HTT: variants seen among roughly 807,000 people sequenced by gnomAD.
HTT encodes the protein huntington disease protein.
HTT carries 104 observed loss-of-function variants against 362.3 expected under a neutral mutation model. The ratio of observed to expected loss-of-function variants is 0.29; its 90% CI spans 0.24 to 0.34. The LOEUF is 0.34. Ranked by LOEUF, HTT falls within the 10% of genes least tolerant of loss-of-function variation. The probability of loss-of-function intolerance (pLI) is 1.00; values close to 1 mark genes in which losing one functional copy is unlikely to be tolerated. For synonymous variants in HTT, 1,577 were observed against 1,548.7 expected (o/e 1.02, Z -0.43); for missense variants, 3,301 against 3,928.6 (o/e 0.84, Z 4.27).
chr4:3,188,029 A>G, intron 39 of HTT, 143 bp downstream of exon 39: 1 of 612,600 alleles, frequency 1.6e-6, no homozygotes, highest in Non-Finnish European at 2.9e-6. Context: ...GTAATTTTCT[A>G]ATCCGTCCTG....
intron 29 of HTT, among the ~76,000 whole-genome samples, chr4:3,167,472 AAATACTATATG>A (rs1327105535): frequency 6.6e-6 from 1 of 152,162 alleles, no homozygotes; most frequent in Non-Finnish European, 1.5e-5. Context: ...GCAAAATGGA[AAATACTATATG>A]TTTTAAATTT....
At chr4:3,173,827 C>G (rs928818175) in intron 31 of HTT, among the ~76,000 whole-genome samples, 1 of 152,050 alleles carries the variant, frequency 6.6e-6, no homozygotes, top group Non-Finnish European at 1.5e-5. Flanking sequence ...TGCCATCACG[C>G]CTGGCTAACT....
intron 37 of HTT, 31 bp from the exon 38 acceptor site, chr4:3,186,566 G>C (rs769578130): frequency 3.1e-6 from 5 of 1,603,684 alleles, no homozygotes; most frequent in African/African-American, 1.3e-5. Flanking sequence ...TTTGGCTTAC[G>C]TAGAAATGTT....
rs1210002358 is a variant in HTT at position 3,243,289 on chromosome 4, A to T, written c.*3230A>T. On this transcript the variant is annotated 3_prime_UTR_variant, in exon 67 of 67. Transcript: ENST00000355072. ...CCTGTGAGCATCCTTCCCAGCAGACATCCTCATCGGGCTTTGTCCCTCCCC... is the reference window on the plus strand; with the variant it reads ...CCTGTGAGCATCCTTCCCAGCAGACTTCCTCATCGGGCTTTGTCCCTCCCC... 4 of 152,608 alleles carry T rather than the reference A, an allele frequency of 2.6e-5. No individual in the cohort carries two copies. Among genetic ancestry groups the T allele is most frequent in the Admixed American group, 1.3e-4 (2 of 15,288 alleles). The allele number at this position is 152,608 out of a possible 1,614,324, so 9.5% of individuals were successfully genotyped here.
chr4:3,207,551 C>T (rs567432627), intron 45 of HTT, among the ~76,000 whole-genome samples, 194 bp downstream of exon 45: 26 of 152,308 alleles, frequency 1.7e-4, no homozygotes, highest in Admixed American at 3.9e-4. Flanking sequence ...AAAGGATGAC[C>T]GGCAGGATCA....
chr4:3,210,592 G>A (rs1015144500), intron 47 of HTT, among the ~76,000 whole-genome samples: 1 of 147,350 alleles, frequency 6.8e-6, no homozygotes, highest in African/African-American at 2.5e-5. Flanking sequence ...TCACCCGTGG[G>A]CAGGTCCTGT....
chr4:3,208,699 T>C (rs1269537969), intron 45 of HTT, 74 bp from the exon 46 acceptor site: 22 of 1,365,068 alleles, frequency 1.6e-5, no homozygotes, highest in Non-Finnish European at 2.2e-5. Flanking sequence ...AATCCTAGTG[T>C]GCAGAGTTTA....
intron 33 of HTT, 110 bp downstream of exon 33, chr4:3,175,217 A>C (rs1314614340): frequency 9.8e-7 from 1 of 1,015,412 alleles, no homozygotes; most frequent in Admixed American, 2.4e-5. Context: ...TGTTTCCCTC[A>C]TCAGTTGCTG....
At chr4:3,178,175 G>T (rs987220603) in intron 34 of HTT, 123 bp from the exon 35 acceptor site, 1 of 740,662 alleles carries the variant, frequency 1.4e-6, no homozygotes, top group Non-Finnish European at 2.3e-6. Flanking sequence ...AGTAGATCAC[G>T]GACACCTGTT....
Position 3,212,070 on chromosome 4 carries a change from G to C in HTT, c.6556G>C (p.Val2186Leu). The C allele has an allele frequency of 6.2e-7, 1 of 1,614,202 alleles. No individual in the cohort carries two copies. Among genetic ancestry groups the C allele is most frequent in the African/African-American group, 1.3e-5 (1 of 75,042 alleles). The change falls in exon 48 of 67, where the codon GTC (valine) becomes CTC (leucine). Residue 2186 changes from valine (V) to leucine (L), a missense_variant. Transcript: ENST00000355072. ...VSGTVQQLPA[V>L]HHVFQPELPA... ...CGGCACCGTGCAGCAGCTCCCTGCT[G>C]TCCATCATGTCTTCCAGCCCGAGCT...
chr4:3,210,115 A>G lies in HTT; in HGVS notation c.6414+166A>G, dbSNP rs113407847. Among the ~76,000 whole-genome samples, 5,936 of 152,206 alleles carry G rather than the reference A, an allele frequency of 0.039. 153 individuals are homozygous for G. The highest frequency in any genetic ancestry group is 0.085 in the Middle Eastern group (25 of 294). ...GACTCCACTCTGAATGGGGCCGGGA[A>G]GTGGGGAGGACTCCATTTCAGATGG... On this transcript the variant is annotated intron_variant, in intron 47 of 66. Coordinates refer to ENST00000355072, the MANE Select transcript of HTT (RefSeq NM_001388492.1).
chr4:3,176,217 C>T lies in HTT; in HGVS notation c.4407+1110C>T, dbSNP rs553603785. Among the ~76,000 whole-genome samples, 192 of 151,984 alleles carry T rather than the reference C, an allele frequency of 1.3e-3. 1 individual carries two copies. The highest frequency in any genetic ancestry group is 4.5e-3 in the African/African-American group (185 of 41,462). ...TAATTTTTTGTATTTTTAGTAGAGA[C>T]GAGGTTTCACTGTGTTAGCCAGGAT... On this transcript the variant is annotated intron_variant, in intron 33 of 66. Coordinates refer to ENST00000355072, the MANE Select transcript of HTT (RefSeq NM_001388492.1).
At chr4:3,086,373 A>G (rs1329614825) in intron 1 of HTT, among the ~76,000 whole-genome samples, 2 of 152,136 alleles carry the variant, frequency 1.3e-5, no homozygotes, top group Admixed American at 6.6e-5. Flanking sequence ...TCTTCTCTCT[A>G]TAATGGGGGA....
At chr4:3,099,448 G>A (rs572213257) in intron 3 of HTT, 54 bp downstream of exon 3, 1 of 1,603,602 alleles carries the variant, frequency 6.2e-7, no homozygotes, top group Non-Finnish European at 8.5e-7. Flanking sequence ...TGTAGGCTGA[G>A]AGAAGAAGCG....
intron 54 of HTT, among the ~76,000 whole-genome samples, chr4:3,222,871 T>G (rs549063346): frequency 6.6e-6 from 1 of 152,328 alleles, no homozygotes; most frequent in East Asian, 1.9e-4. Flanking sequence ...TGCAGAGATT[T>G]TATCAGGCTT....
chr4:3,172,835 T>G, intron 30 of HTT, 73 bp from the exon 31 acceptor site: 1 of 1,035,800 alleles, frequency 9.7e-7, no homozygotes, highest in Non-Finnish European at 1.5e-6. Context: ...CAGATGGATT[T>G]GATATTTGTG....
At chr4:3,166,363 G>T (rs995430346) in intron 29 of HTT, among the ~76,000 whole-genome samples, 3 of 152,212 alleles carry the variant, frequency 2.0e-5, no homozygotes, top group African/African-American at 7.2e-5. Flanking sequence ...TCCCAGTCAG[G>T]CTACATGGGG....
chr4:3,113,786 C>T (rs1285049354), intron 6 of HTT, among the ~76,000 whole-genome samples: 2 of 151,570 alleles, frequency 1.3e-5, no homozygotes, highest in Admixed American at 1.3e-4. Context: ...AGTCCTGTGG[C>T]TCCTTGTCAG....
chr4:3,205,510 G>A (rs890855478), intron 42 of HTT, among the ~76,000 whole-genome samples: 3 of 152,002 alleles, frequency 2.0e-5, no homozygotes, highest in African/African-American at 4.8e-5. Context: ...TTATAATGCT[G>A]TTTTTCACAG....
Sources: gnomAD v4.1 joint callset for allele counts (sites outside exome capture counted in the v4.1 genomes callset) on GRCh38, gnomAD v4.1.1 for gene constraint, MANE v1.5 for transcripts, NCBI Gene and HGNC (gene_info 2026-07-23, HGNC 2026-07-21) for gene names.